The following PIK3C2G variants were observed in gnomAD, a reference collection of about 807,000 sequenced individuals.
The protein encoded by PIK3C2G is phosphatidylinositol-4-phosphate 3-kinase catalytic subunit type 2 gamma, also known as phosphatidylinositol 3-kinase C2 domain-containing subunit gamma.
PIK3C2G carries 168 observed loss-of-function variants against 181.1 expected under a neutral mutation model. The ratio of observed to expected loss-of-function variants is 0.93; its 90% CI spans 0.82 to 1.05. The LOEUF is 1.05. PIK3C2G is among the 50% of genes least tolerant of loss of function. The pLI, the probability that PIK3C2G is intolerant of heterozygous loss-of-function variation, is 0.00. For missense variants in PIK3C2G, 1,869 were observed against 1,732.8 expected (o/e 1.08, Z -1.40); for synonymous variants, 573 against 592.2 (o/e 0.97, Z 0.47).
intron 31 of PIK3C2G, among the ~76,000 whole-genome samples, chr12:18,624,482 A>G (rs1949003415): frequency 6.6e-6 from 1 of 151,574 alleles, no homozygotes; most frequent in Admixed American, 6.6e-5. Context: ...TGTGAAGACT[A>G]TTGGCCTGTA....
intron 15 of PIK3C2G, among the ~76,000 whole-genome samples, chr12:18,399,296 T>C (rs1944104309): frequency 6.6e-5 from 10 of 151,586 alleles, no homozygotes; most frequent in Admixed American, 6.6e-4. Flanking sequence ...TGATTACCTC[T>C]GTTCTAAATA....
chr12:18,497,547 G>A, intron 21 of PIK3C2G, 72 bp from the exon 22 acceptor site: 1 of 1,174,174 alleles, frequency 8.5e-7, no homozygotes, highest in Non-Finnish European at 1.2e-6. Context: ...AAAGTGACAT[G>A]TACTGTATTT....
rs1015752553 is a variant in PIK3C2G at position 18,461,744 on chromosome 12, C to T, written c.2505-26705C>T. On this transcript the variant is annotated intron_variant, in intron 18 of 32. Coordinates refer to ENST00000538779, the MANE Select transcript of PIK3C2G (RefSeq NM_001288772.2). Reference sequence around the variant, plus strand: ...CAGCTAAAAGATGCCATCTGTGAACCAGAAGCAGGCCAGACACAGAATCTG... The same window carrying T: ...CAGCTAAAAGATGCCATCTGTGAACTAGAAGCAGGCCAGACACAGAATCTG... Among the ~76,000 whole-genome samples, 19 of 152,286 alleles carry T rather than the reference C, an allele frequency of 1.2e-4. No individual in the cohort carries two copies. The East Asian group carries it at 3.7e-3, about 29-fold the overall frequency.
At chr12:18,362,511 T>G (rs1386599482) in intron 11 of PIK3C2G, among the ~76,000 whole-genome samples, 3 of 152,180 alleles carry the variant, frequency 2.0e-5, no homozygotes, top group Non-Finnish European at 4.4e-5. Flanking sequence ...CTTAACTGGT[T>G]TCTGGTTTTC....
At chr12:18,263,667 A>G (rs1451774184) in intron 1 of PIK3C2G, among the ~76,000 whole-genome samples, 2 of 152,040 alleles carry the variant, frequency 1.3e-5, no homozygotes, top group Admixed American at 6.6e-5. Flanking sequence ...ACTTTTTCCA[A>G]TAGGTTCGTT....
At chr12:18,260,102 AATCTTT>A (rs1229096367), upstream of PIK3C2G, among the ~76,000 whole-genome samples, 3 of 152,078 alleles carry the variant, frequency 2.0e-5, no homozygotes, top group Non-Finnish European at 4.4e-5. Flanking sequence ...TTCTAACCTT[AATCTTT>A]GAGTTTTATC....
At chr12:18,465,507 C>T (rs1368533610) in intron 18 of PIK3C2G, among the ~76,000 whole-genome samples, 1 of 151,722 alleles carries the variant, frequency 6.6e-6, no homozygotes, top group Non-Finnish European at 1.5e-5. Context: ...CAAACTCTGG[C>T]CCTTTTTATT....
chr12:18,686,725 A>G, the PIK3C2G span, among the ~76,000 whole-genome samples: 8 of 152,186 alleles, frequency 5.3e-5, no homozygotes, highest in South Asian at 1.7e-3. Context: ...TTATAGCATC[A>G]TCTTTCACAC....
intron 31 of PIK3C2G, among the ~76,000 whole-genome samples, chr12:18,632,079 G>A (rs1343954833): frequency 6.6e-6 from 1 of 152,002 alleles, no homozygotes; most frequent in Non-Finnish European, 1.5e-5. Context: ...GGAGACCAGG[G>A]ACACTGTGAA....
intron 6 of PIK3C2G, among the ~76,000 whole-genome samples, chr12:18,317,179 A>T (rs1950904577): frequency 6.6e-6 from 1 of 151,362 alleles, no homozygotes; most frequent in Non-Finnish European, 1.5e-5. Flanking sequence ...ATGCCTGGCT[A>T]ATTTTTGTAT....
chr12:18,277,753 T>C (rs1160484414), intron 1 of PIK3C2G, among the ~76,000 whole-genome samples: 3 of 152,180 alleles, frequency 2.0e-5, no homozygotes, highest in Non-Finnish European at 4.4e-5. Flanking sequence ...GTTTGAATGA[T>C]ATTTACACCT....
intron 29 of PIK3C2G, among the ~76,000 whole-genome samples, chr12:18,583,832 T>C (rs1398519386): frequency 6.6e-6 from 1 of 152,076 alleles, no homozygotes; most frequent in African/African-American, 2.4e-5. Flanking sequence ...TCCAAATGAC[T>C]GCACTAGTTC....
chr12:18,696,322 C>CTATATATATATATATATATATATATATA, the PIK3C2G span: 203 of 267,706 alleles, frequency 7.6e-4, 14 homozygotes, highest in African/African-American at 3.1e-3. Context: ...TAAAAAGCCA[C>CTATATATATATATATATATATATATATA]TATATATATA....
At chr12:18,580,798 A>G (rs1946457762) in intron 29 of PIK3C2G, among the ~76,000 whole-genome samples, 1 of 152,150 alleles carries the variant, frequency 6.6e-6, no homozygotes, top group Admixed American at 6.6e-5. Context: ...TTGATTTAAA[A>G]CTCTTATGGA....
At chr12:18,356,160 A>C (rs1287954296) in intron 11 of PIK3C2G, among the ~76,000 whole-genome samples, 1 of 152,236 alleles carries the variant, frequency 6.6e-6, no homozygotes, top group African/African-American at 2.4e-5. Flanking sequence ...GGCAGGTTGC[A>C]TCCTATCCCC....
At chr12:18,633,480 C>T (rs2136743370) in intron 31 of PIK3C2G, among the ~76,000 whole-genome samples, 1 of 152,328 alleles carries the variant, frequency 6.6e-6, no homozygotes, top group East Asian at 1.9e-4. Flanking sequence ...CTCTGCTGGT[C>T]ATGTTTCTTT....
chr12:18,678,634 A>G, the PIK3C2G span, among the ~76,000 whole-genome samples: 2 of 152,014 alleles, frequency 1.3e-5, no homozygotes, highest in African/African-American at 4.8e-5. Context: ...ACATTCTTTC[A>G]TTCATTTTAA....
intron 1 of PIK3C2G, among the ~76,000 whole-genome samples, chr12:18,281,243 G>T (rs578028712): frequency 3.4e-4 from 38 of 111,106 alleles, no homozygotes; most frequent in African/African-American, 1.1e-3. Flanking sequence ...CCCTGACAAG[G>T]ATAAGATGGA....
intron 29 of PIK3C2G, among the ~76,000 whole-genome samples, chr12:18,580,179 A>T (rs1053936606): frequency 6.6e-6 from 1 of 152,074 alleles, no homozygotes; most frequent in African/African-American, 2.4e-5. Context: ...ATGTAATAAA[A>T]GTAATAGCAA....
Sources: gnomAD v4.1 joint callset for allele counts (sites outside exome capture counted in the v4.1 genomes callset) on GRCh38, gnomAD v4.1.1 for gene constraint, MANE v1.5 for transcripts, NCBI Gene and HGNC (gene_info 2026-07-23, HGNC 2026-07-21) for gene names.